Variants in ZNF892 observed in about 807,000 individuals in gnomAD.
The protein encoded by ZNF892 is zinc finger protein 892.
chr2:95,223,376 C>T, the ZNF892 span, among the ~76,000 whole-genome samples: 1 of 151,992 alleles, frequency 6.6e-6, no homozygotes, highest in Non-Finnish European at 1.5e-5. Flanking sequence ...TACTTTATAA[C>T]AGATAATATT....
chr2:95,221,177 C>G, the ZNF892 span, among the ~76,000 whole-genome samples: 1 of 152,124 alleles, frequency 6.6e-6, no homozygotes, highest in Non-Finnish European at 1.5e-5. Context: ...GGTTTGTAAG[C>G]TATCAGGTGC....
the ZNF892 span, among the ~76,000 whole-genome samples, chr2:95,224,181 A>G: frequency 5.9e-5 from 9 of 152,322 alleles, no homozygotes; most frequent in East Asian, 5.8e-4. Flanking sequence ...TGCATTTGTT[A>G]TGGCAGCTGG....
chr2:95,213,212 A>G, the ZNF892 span, among the ~76,000 whole-genome samples: 102 of 152,184 alleles, frequency 6.7e-4, no homozygotes, highest in Non-Finnish European at 1.4e-3. Context: ...GTCCCTCACT[A>G]TCCTCCACTA....
chr2:95,209,670 C>A, the ZNF892 span, among the ~76,000 whole-genome samples: 1 of 152,110 alleles, frequency 6.6e-6, no homozygotes, highest in Non-Finnish European at 1.5e-5. Flanking sequence ...ATTGGTAGAT[C>A]GCTTTCAGAA....
At chr2:95,252,656 G>A in the ZNF892 span, among the ~76,000 whole-genome samples, 1 of 152,142 alleles carries the variant, frequency 6.6e-6, no homozygotes, top group African/African-American at 2.4e-5. Flanking sequence ...CTGAGGAATC[G>A]CCACACTGAC....
the ZNF892 span, among the ~76,000 whole-genome samples, chr2:95,221,950 T>C: frequency 1.3e-5 from 2 of 152,092 alleles, no homozygotes; most frequent in Admixed American, 1.3e-4. Context: ...CTCCTCCCTA[T>C]CTTCCTCCTT....
At chr2:95,240,115 G>A in the ZNF892 span, among the ~76,000 whole-genome samples, 1 of 150,916 alleles carries the variant, frequency 6.6e-6, no homozygotes, top group African/African-American at 2.4e-5. Context: ...TTAGTTCAAG[G>A]TTGAAAAAAA....
the ZNF892 span, among the ~76,000 whole-genome samples, chr2:95,227,329 T>A: frequency 2.0e-5 from 3 of 152,200 alleles, no homozygotes; most frequent in Non-Finnish European, 4.4e-5. Flanking sequence ...TTTTTTATTT[T>A]ATTTTATTTT....
At chr2:95,224,483 G>C in the ZNF892 span, among the ~76,000 whole-genome samples, 7 of 152,276 alleles carry the variant, frequency 4.6e-5, no homozygotes, top group Non-Finnish European at 1.0e-4. Flanking sequence ...TTACAATCAT[G>C]GGGGAAGGCA....
At chr2:95,247,039 CA>C in the ZNF892 span, among the ~76,000 whole-genome samples, 2 of 152,088 alleles carry the variant, frequency 1.3e-5, no homozygotes, top group Admixed American at 6.5e-5. Context: ...AAACAGAGCC[CA>C]AATAGCCAAG....
the ZNF892 span, among the ~76,000 whole-genome samples, chr2:95,246,107 A>C: frequency 6.6e-6 from 1 of 152,220 alleles, no homozygotes; most frequent in Non-Finnish European, 1.5e-5. Flanking sequence ...ATTGATGCAA[A>C]AATCCTCAAT....
chr2:95,210,620 C>A, the ZNF892 span, among the ~76,000 whole-genome samples: 2 of 152,086 alleles, frequency 1.3e-5, no homozygotes, highest in Non-Finnish European at 2.9e-5. Flanking sequence ...TATAGAACAC[C>A]CCATTTAAAC....
the ZNF892 span, among the ~76,000 whole-genome samples, chr2:95,209,069 G>T: frequency 6.6e-6 from 1 of 152,144 alleles, no homozygotes; most frequent in African/African-American, 2.4e-5. Flanking sequence ...TAAACACGAA[G>T]AAATAGGTAT....
the ZNF892 span, among the ~76,000 whole-genome samples, chr2:95,222,370 T>A: frequency 6.6e-6 from 1 of 152,212 alleles, no homozygotes; most frequent in East Asian, 1.9e-4. Context: ...AATGGTTAGG[T>A]CATATGGTGA....
chr2:95,233,782 G>A, the ZNF892 span, among the ~76,000 whole-genome samples: 1 of 149,756 alleles, frequency 6.7e-6, no homozygotes, highest in South Asian at 2.1e-4. Flanking sequence ...TTACAGGCAT[G>A]AGTCACCACG....
the ZNF892 span, among the ~76,000 whole-genome samples, chr2:95,247,752 A>G: frequency 3.9e-5 from 6 of 152,250 alleles, no homozygotes; most frequent in Admixed American, 3.9e-4. Flanking sequence ...GCCCAACATC[A>G]GTAATCATCA....
chr2:95,249,891 T>C, the ZNF892 span, among the ~76,000 whole-genome samples: 1 of 152,184 alleles, frequency 6.6e-6, no homozygotes, highest in Non-Finnish European at 1.5e-5. Context: ...TTAGTAGAAC[T>C]TTAAAGTTTC....
chr2:95,253,799 C>T, the ZNF892 span, among the ~76,000 whole-genome samples: 1 of 152,180 alleles, frequency 6.6e-6, no homozygotes, highest in Non-Finnish European at 1.5e-5. Flanking sequence ...AGGTCCTTCA[C>T]GTCCCTTGTA....
At chr2:95,206,858 G>C in the ZNF892 span, among the ~76,000 whole-genome samples, 3 of 152,170 alleles carry the variant, frequency 2.0e-5, no homozygotes, top group African/African-American at 7.2e-5. Flanking sequence ...CAGCTAGAGA[G>C]AGTCTTATTT....
Sources: allele counts gnomAD v4.1 joint callset (sites outside exome capture counted in the v4.1 genomes callset), GRCh38; gene constraint gnomAD v4.1.1; transcripts MANE v1.5; gene names NCBI Gene and HGNC (gene_info 2026-07-23, HGNC 2026-07-21).